MALRD1: variants seen among roughly 807,000 people sequenced by gnomAD.
MALRD1 encodes the protein MAM and LDL receptor class A domain containing 1, also known as MAM and LDL-receptor class A domain-containing protein 1.
MALRD1 carries 247 observed loss-of-function variants against 242.1 expected under a neutral mutation model. That is an observed-to-expected ratio of 1.02 (90% CI 0.92 to 1.13). The LOEUF (loss-of-function observed/expected upper bound fraction) is 1.13. MALRD1 is among the 50% of genes most tolerant of loss of function. MALRD1 has a pLI of 0.00. For synonymous variants in MALRD1, 995 were observed against 866.6 expected, an observed-to-expected ratio of 1.15 and a Z score of -2.60; for missense variants, 2,989 against 2,533.1, an observed-to-expected ratio of 1.18 and a Z score of -3.86.
At chr10:19,591,924 G>A (rs2131548791) in intron 33 of MALRD1, among the ~76,000 whole-genome samples, 1 of 152,294 alleles carries the variant, frequency 6.6e-6, no homozygotes, top group Non-Finnish European at 1.5e-5. Flanking sequence ...AAAAAGTATA[G>A]ATTTATAGTA....
chr10:19,334,113 T>A (rs2130930805), intron 24 of MALRD1, among the ~76,000 whole-genome samples: 1 of 141,820 alleles, frequency 7.1e-6, no homozygotes, highest in South Asian at 2.2e-4. Flanking sequence ...TTTACTCTGT[T>A]GGTAGGTTTT....
At chr10:19,202,316 G>A (rs1180038686) in intron 14 of MALRD1, among the ~76,000 whole-genome samples, 1 of 151,860 alleles carries the variant, frequency 6.6e-6, no homozygotes, top group Non-Finnish European at 1.5e-5. Flanking sequence ...GCCAAATTTG[G>A]GCCAGGAAAT....
intron 28 of MALRD1, among the ~76,000 whole-genome samples, chr10:19,434,539 A>G (rs945444006): frequency 1.3e-5 from 2 of 152,016 alleles, no homozygotes; most frequent in East Asian, 3.9e-4. Flanking sequence ...CTATTACTCA[A>G]TTTTTTCCAA....
chr10:19,325,749 C>T (rs576631300), intron 22 of MALRD1, among the ~76,000 whole-genome samples: 26 of 152,164 alleles, frequency 1.7e-4, no homozygotes, highest in Middle Eastern at 3.4e-3. Context: ...AGGACTCTCC[C>T]CCTTTTAAAT....
At chr10:19,475,805 G>C (rs901164590) in intron 29 of MALRD1, among the ~76,000 whole-genome samples, 2 of 152,104 alleles carry the variant, frequency 1.3e-5, no homozygotes, top group African/African-American at 4.8e-5. Context: ...GACAAGAAAG[G>C]CTAATTAAAA....
At chr10:19,461,167 T>C (rs1835922222) in intron 29 of MALRD1, among the ~76,000 whole-genome samples, 1 of 152,142 alleles carries the variant, frequency 6.6e-6, no homozygotes, top group South Asian at 2.1e-4. Flanking sequence ...AGACCCAGCA[T>C]ATACACAATC....
intron 28 of MALRD1, among the ~76,000 whole-genome samples, chr10:19,422,905 A>G (rs552263418): frequency 1.3e-5 from 2 of 152,296 alleles, no homozygotes; most frequent in East Asian, 1.9e-4. Context: ...CTCTGTTTCT[A>G]TCTCACTTCA....
rs544261357 is a variant in MALRD1 at position 19,287,742 on chromosome 10, A to T, written c.3419+4561A>T. ...ATATAGTTTTGTGTAACTGTGTTCT[A>T]TGATGTTGAGGTGAAGACAACTCAC... On this transcript the variant is annotated intron_variant, in intron 21 of 39. Coordinates refer to ENST00000454679, the MANE Select transcript of MALRD1 (RefSeq NM_001142308.3). Among the ~76,000 whole-genome samples the T allele has an allele frequency of 2.0e-5, 3 of 152,272 alleles. No individual in the cohort carries two copies. In the East Asian group the frequency reaches 5.8e-4, roughly 29 times the overall value.
intron 17 of MALRD1, among the ~76,000 whole-genome samples, chr10:19,207,978 C>G (rs1836861658): frequency 6.6e-6 from 1 of 152,154 alleles, no homozygotes; most frequent in African/African-American, 2.4e-5. Flanking sequence ...GATCTGATAA[C>G]TGAGATAGCT....
intron 33 of MALRD1, among the ~76,000 whole-genome samples, chr10:19,585,033 G>C (rs1370624747): frequency 1.3e-5 from 2 of 149,756 alleles, no homozygotes; most frequent in African/African-American, 2.5e-5. Flanking sequence ...TTTTATCAGA[G>C]ACTAGGATTG....
At chr10:19,529,782 AC>A (rs1374143230) in intron 31 of MALRD1, among the ~76,000 whole-genome samples, 1 of 152,102 alleles carries the variant, frequency 6.6e-6, no homozygotes, top group Non-Finnish European at 1.5e-5. Context: ...AGAAACATAT[AC>A]CATGCTAACA....
chr10:19,730,523 C>A (rs1198852291), intron 38 of MALRD1, 183 bp from the exon 39 acceptor site: 1 of 679,688 alleles, frequency 1.5e-6, no homozygotes, highest in African/African-American at 1.8e-5. Flanking sequence ...AATGTGGTTG[C>A]CTTGGTGTCC....
At position 19,209,239 on chromosome 10, in the gene MALRD1, C is replaced by T. The variant is rs116276592; in HGVS notation, c.2579-29C>T. ...TGCATGTATTTTTGTCCCTAATTAT[C>T]TTTTGCTTTTATTTCATGTGAATTT... On this transcript the variant is annotated intron_variant, in intron 17 of 39. Coordinates refer to ENST00000454679, the MANE Select transcript of MALRD1 (RefSeq NM_001142308.3). 1,132 of 1,473,534 alleles carry T rather than the reference C, an allele frequency of 7.7e-4. 8 individuals are homozygous for T. In the African/African-American group the frequency reaches 0.015, roughly 19 times the overall value. 91.3% of individuals were successfully genotyped at this position (1,473,534 alleles called of 1,614,324 possible). A position where few individuals can be genotyped will look rare whatever the true frequency, so the allele number is the denominator to read the frequency against.
intron 2 of MALRD1, among the ~76,000 whole-genome samples, chr10:19,080,363 A>C (rs1835446939): frequency 6.6e-6 from 1 of 152,070 alleles, no homozygotes; most frequent in Non-Finnish European, 1.5e-5. Context: ...CCCAACTTCA[A>C]ACTATACTAC....
intron 18 of MALRD1, among the ~76,000 whole-genome samples, chr10:19,239,253 T>C (rs1372661685): frequency 1.3e-5 from 2 of 152,060 alleles, no homozygotes; most frequent in African/African-American, 2.4e-5. Context: ...AGAGAAATGA[T>C]TTCACCATAT....
At chr10:19,129,950 ATCTC>A (rs927444456) in intron 8 of MALRD1, among the ~76,000 whole-genome samples, 11 of 150,650 alleles carry the variant, frequency 7.3e-5, no homozygotes, top group African/African-American at 2.4e-4. Flanking sequence ...ATATATATAT[ATCTC>A]TATCTCCCCA....
intron 36 of MALRD1, among the ~76,000 whole-genome samples, chr10:19,677,710 G>T (rs1842193184): frequency 6.6e-6 from 1 of 152,174 alleles, no homozygotes; most frequent in African/African-American, 2.4e-5. Flanking sequence ...TGTGGCAACT[G>T]CTGTTGACAT....
intron 21 of MALRD1, among the ~76,000 whole-genome samples, chr10:19,306,141 A>G (rs1241129767): frequency 8.3e-6 from 1 of 120,752 alleles, no homozygotes; most frequent in Non-Finnish European, 1.6e-5. Flanking sequence ...AGTATAGTAT[A>G]TATATACTAT....
rs891863453 is a variant in MALRD1 at position 19,124,511 on chromosome 10, T to A, written c.797-13T>A. On this transcript the variant is annotated splice_polypyrimidine_tract_variant and intron_variant, in intron 6 of 39. Transcript: ENST00000454679. ...AGACTAATAGTCCACCAAGATCTTT[T>A]TCTCCCGTTTAGTGTGTCAGGCCTG... 2 of 1,233,616 alleles carry A rather than the reference T, an allele frequency of 1.6e-6. No individual in the cohort carries two copies. The highest frequency in any genetic ancestry group is 3.1e-5 in the African/African-American group (2 of 64,468). 76.4% of individuals were successfully genotyped at this position (1,233,616 alleles called of 1,614,324 possible). A position where few individuals can be genotyped will look rare whatever the true frequency, so the allele number is the denominator to read the frequency against.
Sources: gnomAD v4.1 joint callset for allele counts (sites outside exome capture counted in the v4.1 genomes callset) on GRCh38, gnomAD v4.1.1 for gene constraint, MANE v1.5 for transcripts, NCBI Gene and HGNC (gene_info 2026-07-23, HGNC 2026-07-21) for gene names.